Variants in GIT2 observed in about 807,000 individuals in gnomAD.
The protein encoded by GIT2 is GIT ArfGAP 2.
A neutral mutation model predicts 100.3 loss-of-function variants in GIT2; 32 were observed. That is an observed-to-expected ratio of 0.32 (90% CI 0.24 to 0.43). GIT2 has a LOEUF of 0.43. Ranked by LOEUF, GIT2 falls within the 20% of genes least tolerant of loss-of-function variation. The probability of loss-of-function intolerance (pLI) is 1.00; values close to 1 mark genes in which losing one functional copy is unlikely to be tolerated. For missense variants in GIT2, 737 were observed against 975.1 expected (o/e 0.76, Z 3.25); for synonymous variants, 353 against 364.1 (o/e 0.97, Z 0.35).
At position 109,945,266 on chromosome 12, in the gene GIT2, G is replaced by A. The variant is rs757238897; in HGVS notation, c.1725C>T (p.Ala575=). ...CATTCAGAATGTACTTAACCCTTCG[G>A]GCGCTTTCGTCCCTCGACCAGGAAA... ...STLSWSRDES[A]RRASRLEKQN... Residue 575 remains alanine, a synonymous_variant, in exon 16 of 20, where the codon GCC becomes GCT. Transcript: ENST00000355312. 1 of 1,517,978 alleles carries A rather than the reference G, an allele frequency of 6.6e-7. No homozygotes were observed. Among genetic ancestry groups the A allele is most frequent in the South Asian group, 1.1e-5 (1 of 88,738 alleles). The allele number at this position is 1,517,978 out of a possible 1,614,324, so 94.0% of individuals were successfully genotyped here.
intron 7 of GIT2, among the ~76,000 whole-genome samples, chr12:109,971,306 T>C (rs1883802217): frequency 6.6e-6 from 1 of 152,106 alleles, no homozygotes; most frequent in East Asian, 1.9e-4. Flanking sequence ...ATTAGATTTA[T>C]ACCTAAGTAT....
intron 13 of GIT2, chr12:109,952,777 T>C (rs1878263896): frequency 6.5e-5 from 30 of 460,306 alleles, no homozygotes; most frequent in South Asian, 4.9e-4. Flanking sequence ...CAGTTCTCTC[T>C]CTCCTAGGCA....
rs140480796 is a variant in GIT2, at chr12:109,933,585, G to A, written c.2068-395C>T. ...ACAAAAATATTTCAAAGCTCTATACGACTGCATATTTTATTTTATTTTACT... is the reference window on the plus strand; with the variant it reads ...ACAAAAATATTTCAAAGCTCTATACAACTGCATATTTTATTTTATTTTACT... On this transcript the variant is annotated intron_variant, in intron 19 of 19. Transcript: ENST00000355312. This position sits in a 1 kb window ranked among gnomAD's most constrained non-coding sequence, Gnocchi z 4.5. The A allele has an allele frequency of 1.4e-5, 3 of 215,356 alleles. No homozygotes were observed. The highest frequency in any genetic ancestry group is 2.3e-5 in the African/African-American group (1 of 43,418). 13.3% of individuals were successfully genotyped at this position (215,356 alleles called of 1,614,324 possible). A position where few individuals can be genotyped will look rare whatever the true frequency, so the allele number is the denominator to read the frequency against.
chr12:109,938,976 G>T, intron 17 of GIT2, 189 bp downstream of exon 17: 1 of 571,032 alleles, frequency 1.8e-6, no homozygotes, highest in East Asian at 3.0e-5. Flanking sequence ...AAAGAAAAAG[G>T]CCTTTCGGCA....
Position 109,989,057 on chromosome 12 carries a change from G to C in GIT2, c.311C>G (p.Ala104Gly). ...CTGATACTTGGCTCTGATGAATTCC[G>C]CTTTATTGGGACTGGTTCAAAAACA... ...NPQDKVHPNK[A>G]EFIRAKYQML... The change falls in exon 4 of 20, where the codon GCG (alanine) becomes GGG (glycine). Residue 104 changes from alanine (A) to glycine (G), a missense_variant. Ala to Gly is a moderately conservative substitution (Grantham distance 60). This residue lies in a region of GIT2 where 266 missense variants were observed against 376.2 expected (regional missense o/e 0.71). Coordinates refer to ENST00000355312, the MANE Select transcript of GIT2 (RefSeq NM_057169.5). 6.2e-7 allele frequency: 1 copy of C among 1,604,198 alleles called. No individual in the cohort carries two copies. Among genetic ancestry groups the C allele is most frequent in the Non-Finnish European group, 8.5e-7 (1 of 1,171,136 alleles).
Position 109,932,292 on chromosome 12 carries a change from A to G in GIT2, c.*686T>C, listed in dbSNP as rs146270606. 1 of 152,310 alleles carries G rather than the reference A, an allele frequency of 6.6e-6. No homozygotes were observed. Among genetic ancestry groups the G allele is most frequent in the Admixed American group, 6.5e-5 (1 of 15,280 alleles). 9.4% of individuals were successfully genotyped at this position (152,310 alleles called of 1,614,324 possible). A position where few individuals can be genotyped will look rare whatever the true frequency, so the allele number is the denominator to read the frequency against. ...TTCATGAGATGTCCTGTGGTGGGTC[A>G]ATGCTTTATCTCATTCCATGGAGCC... On this transcript the variant is annotated 3_prime_UTR_variant, in exon 20 of 20. Transcript: ENST00000355312.
In GIT2 at chr12:109,947,645, A is replaced by T. The variant is rs376881714; in HGVS notation, c.1393-141T>A. On this transcript the variant is annotated intron_variant, in intron 14 of 19. Transcript: ENST00000355312. This position sits in a 1 kb window ranked among gnomAD's most constrained non-coding sequence, Gnocchi z 4.3. Reference sequence around the variant, plus strand: ...CGGGCTGAAAGTAAAAAGCCAATACAAACAAGGACCCTTTCTTCTGGATTG... The same window carrying T: ...CGGGCTGAAAGTAAAAAGCCAATACTAACAAGGACCCTTTCTTCTGGATTG... 99 of 721,822 alleles carry T rather than the reference A, an allele frequency of 1.4e-4. No homozygotes were observed. In the East Asian group the frequency reaches 1.8e-3, roughly 13 times the overall value. 44.7% of individuals were successfully genotyped at this position (721,822 alleles called of 1,614,324 possible). A position where few individuals can be genotyped will look rare whatever the true frequency, so the allele number is the denominator to read the frequency against.
At chr12:109,938,616 G>A (rs780170588) in intron 17 of GIT2, 48 bp from the exon 18 acceptor site, 18 of 1,416,458 alleles carry the variant, frequency 1.3e-5, no homozygotes, top group African/African-American at 4.3e-5. Flanking sequence ...CTTATCAGCT[G>A]CCCCTCTGCT....
Position 109,981,002 on chromosome 12 carries a change from T to C in GIT2, c.668A>G (p.Gln223Arg), listed in dbSNP as rs755237336. Residue 223 changes from glutamine (Q) to arginine (R), a missense_variant, in exon 7 of 20, where the codon CAG (glutamine) becomes CGG (arginine). Physicochemically the swap from Gln to Arg is conservative, Grantham distance 43. Transcript: ENST00000355312. ...HELAERLVEI[Q>R]YELTDRLAFY... ...GGCTAGTCTGTCCGTTAGCTCATAC[T>C]GTATTTCCACGAGGCGCTCTGCCAG... The C allele has an allele frequency of 1.2e-6, 2 of 1,613,552 alleles. No homozygotes were observed. Among genetic ancestry groups the C allele is most frequent in the South Asian group, 2.2e-5 (2 of 91,066 alleles).
At chr12:109,936,606 G>A (rs979442886) in intron 18 of GIT2, among the ~76,000 whole-genome samples, 1 of 152,282 alleles carries the variant, frequency 6.6e-6, no homozygotes, top group African/African-American at 2.4e-5. Flanking sequence ...GGTGGCTCAC[G>A]CCTGTAATCT....
At chr12:109,937,441 C>A (rs1426525050) in intron 18 of GIT2, among the ~76,000 whole-genome samples, 1 of 152,138 alleles carries the variant, frequency 6.6e-6, no homozygotes, top group African/African-American at 2.4e-5. Flanking sequence ...TGAGATTTTT[C>A]TTGGGTTTGA....
chr12:109,967,041 C>G (rs73419571), intron 8 of GIT2, among the ~76,000 whole-genome samples: 1 of 152,198 alleles, frequency 6.6e-6, no homozygotes, highest in Non-Finnish European at 1.5e-5. Flanking sequence ...ATGCTTTCAT[C>G]TACAACAGTA....
chr12:109,956,793 G>C (rs1476801122), intron 12 of GIT2, among the ~76,000 whole-genome samples: 1 of 152,132 alleles, frequency 6.6e-6, no homozygotes, highest in Non-Finnish European at 1.5e-5. Flanking sequence ...GAGGTGGGCA[G>C]ATCGCTTAAG....
In GIT2 at chr12:109,951,292, C is replaced by T; in HGVS notation, c.1267G>A (p.Gly423Arg). The T allele has an allele frequency of 6.2e-7, 1 of 1,611,798 alleles. No individual in the cohort carries two copies. The highest frequency in any genetic ancestry group is 1.1e-5 in the South Asian group (1 of 91,020). Residue 423 changes from glycine (G) to arginine (R), a missense_variant, in exon 14 of 20, where the codon GGA (glycine) becomes AGA (arginine). Gly to Arg is a moderately radical substitution (Grantham distance 125). This residue lies in a region of GIT2 where 451 missense variants were observed against 543.7 expected (regional missense o/e 0.83). Coordinates refer to ENST00000355312, the MANE Select transcript of GIT2 (RefSeq NM_057169.5). ...ATAAATTCCTGTACAGTGACTGGTCCATCTGATAAATCTGAATCTAGGCTC... is the reference window on the plus strand; with the variant it reads ...ATAAATTCCTGTACAGTGACTGGTCTATCTGATAAATCTGAATCTAGGCTC... The part of the protein sequence containing the change: ...QKSLDSDLSD[G>R]PVTVQEFMEV...
chr12:109,941,134 G>C (rs1410711230), intron 16 of GIT2, among the ~76,000 whole-genome samples: 1 of 152,128 alleles, frequency 6.6e-6, no homozygotes, highest in Non-Finnish European at 1.5e-5. Context: ...CACGCATGCT[G>C]TTTAGTTCCC....
At position 109,961,386 on chromosome 12, in the gene GIT2, G is replaced by C; in HGVS notation, c.890-11C>G. 1 of 1,558,518 alleles carries C rather than the reference G, an allele frequency of 6.4e-7. No homozygotes were observed. Among genetic ancestry groups the C allele is most frequent in the Non-Finnish European group, 8.9e-7 (1 of 1,129,348 alleles). On this transcript the variant is annotated splice_polypyrimidine_tract_variant and intron_variant, in intron 10 of 19. Coordinates refer to ENST00000355312, the MANE Select transcript of GIT2 (RefSeq NM_057169.5). Reference sequence around the variant, plus strand: ...GCGTGGCAAGCCAGACTAGTCAGAGGAAAGAGCCAGAGACAAACCTCATCA... The same window carrying C: ...GCGTGGCAAGCCAGACTAGTCAGAGCAAAGAGCCAGAGACAAACCTCATCA...
At position 109,988,726 on chromosome 12, in the gene GIT2, G is replaced by C. The variant is rs1017418533; in HGVS notation, c.405+237C>G. The stretch of plus-strand genomic sequence containing the variant: ...AAATTAGCTGGGCATGGTGGCATGC[G>C]CCTGTAATCCCAGCTACCTAGGAGG... On this transcript the variant is annotated intron_variant, in intron 4 of 19. Coordinates refer to ENST00000355312, the MANE Select transcript of GIT2 (RefSeq NM_057169.5). 5.9e-5 allele frequency among the ~76,000 whole-genome samples: 9 copies of C among 151,622 alleles called. 1 individual carries two copies. Among genetic ancestry groups the C allele is most frequent in the Admixed American group, 5.9e-4 (9 of 15,188 alleles).
chr12:109,961,371 C>A lies in GIT2; in HGVS notation c.894G>T (p.Trp298Cys). The change falls in exon 11 of 20, where the codon TGG (tryptophan) becomes TGT (cysteine). Residue 298 changes from tryptophan to cysteine, a missense_variant. Transcript: ENST00000355312. Reference protein sequence around the residue: ...EVDRRETDAVWLATQNHSALV... With the variant: ...EVDRRETDAVCLATQNHSALV... ...GGGCGCTGTGGTTTTGCGTGGCAAG[C>A]CAGACTAGTCAGAGGAAAGAGCCAG... The A allele has an allele frequency of 6.2e-7, 1 of 1,601,546 alleles. No homozygotes were observed. Among genetic ancestry groups the A allele is most frequent in the East Asian group, 2.2e-5 (1 of 44,836 alleles).
chr12:109,983,271 TA>T (rs1886682297), intron 6 of GIT2, 101 bp downstream of exon 6: 14 of 1,026,896 alleles, frequency 1.4e-5, no homozygotes, highest in Non-Finnish European at 2.1e-5. Flanking sequence ...CGTACATCTT[TA>T]AAGGGGTTCA....
Sources: gnomAD v4.1 joint callset for allele counts (sites outside exome capture counted in the v4.1 genomes callset) on GRCh38, gnomAD v4.1.1 for gene constraint, gnomAD v4.1.1 regional missense constraint, Gnocchi (gnomAD v3.1) non-coding constraint, MANE v1.5 for transcripts, NCBI Gene and HGNC (gene_info 2026-07-23, HGNC 2026-07-21) for gene names.